Variants in PPP2R3A observed in about 807,000 individuals in gnomAD.
The protein encoded by PPP2R3A is protein phosphatase 2 regulatory subunit B''alpha.
A neutral mutation model predicts 106.9 loss-of-function variants in PPP2R3A; 80 were observed. The observed-to-expected ratio is 0.75, with a 90% confidence interval of 0.62 to 0.90. The LOEUF is 0.90. Among genes scored for constraint, PPP2R3A ranks in the 40% least tolerant of loss-of-function variants. The probability of loss-of-function intolerance (pLI) is 0.00; values close to 1 mark genes in which losing one functional copy is unlikely to be tolerated. For missense variants in PPP2R3A, 1,386 were observed against 1,350.4 expected, an observed-to-expected ratio of 1.03 and a Z score of -0.41; for synonymous variants, 483 against 468.3, an observed-to-expected ratio of 1.03 and a Z score of -0.41.
intron 1 of PPP2R3A, among the ~76,000 whole-genome samples, chr3:135,970,907 C>G (rs1382285346): frequency 1.3e-5 from 2 of 152,112 alleles, no homozygotes; most frequent in Non-Finnish European, 2.9e-5. Flanking sequence ...AAGGGGCTGA[C>G]TCAGATGTTG....
intron 1 of PPP2R3A, among the ~76,000 whole-genome samples, chr3:135,973,374 A>G (rs575030776): frequency 6.6e-6 from 1 of 152,318 alleles, no homozygotes; most frequent in South Asian, 2.1e-4. Flanking sequence ...CATTTGGTCA[A>G]GGCCGCATAG....
At chr3:135,976,831 TC>T (rs1281911895) in intron 1 of PPP2R3A, among the ~76,000 whole-genome samples, 1 of 152,186 alleles carries the variant, frequency 6.6e-6, no homozygotes, top group Non-Finnish European at 1.5e-5. Flanking sequence ...ATATTTAAGT[TC>T]ATCTGAAATT....
intron 13 of PPP2R3A, among the ~76,000 whole-genome samples, chr3:136,128,115 A>T (rs1053811896): frequency 2.6e-5 from 4 of 152,210 alleles, no homozygotes; most frequent in African/African-American, 9.6e-5. Context: ...TTAACAGGCA[A>T]AATAACCAGT....
chr3:136,005,602 A>G (rs1933814708), intron 2 of PPP2R3A, among the ~76,000 whole-genome samples: 1 of 152,164 alleles, frequency 6.6e-6, no homozygotes, highest in Non-Finnish European at 1.5e-5. Context: ...GGAATTAATC[A>G]CAAAAGTAAG....
chr3:136,072,276 G>A (rs1936460000), intron 6 of PPP2R3A, among the ~76,000 whole-genome samples: 1 of 152,126 alleles, frequency 6.6e-6, no homozygotes. Flanking sequence ...TGTACTGAGT[G>A]AATACATGAA....
chr3:136,074,505 A>G (rs1287237549), intron 6 of PPP2R3A, among the ~76,000 whole-genome samples: 1 of 152,264 alleles, frequency 6.6e-6, no homozygotes, highest in East Asian at 1.9e-4. Context: ...GCAGTTTTGC[A>G]TGCTGTGCAA....
At chr3:136,010,706 G>A (rs34409306) in intron 2 of PPP2R3A, among the ~76,000 whole-genome samples, 36,734 of 151,896 alleles carry the variant, frequency 0.24, 5,057 homozygotes, top group Non-Finnish European at 0.32. Context: ...GATTACAGGC[G>A]TGAGCCACCG....
chr3:136,037,004 G>A (rs1424733751), intron 3 of PPP2R3A, among the ~76,000 whole-genome samples: 1 of 152,220 alleles, frequency 6.6e-6, no homozygotes, highest in Non-Finnish European at 1.5e-5. Context: ...ATAGGAAAGA[G>A]GAGAAGAGAG....
intron 1 of PPP2R3A, among the ~76,000 whole-genome samples, chr3:135,993,401 A>G (rs1933256794): frequency 6.6e-6 from 1 of 152,226 alleles, no homozygotes; most frequent in Admixed American, 6.5e-5. Flanking sequence ...ATTTACAAGT[A>G]TCTGAAAGGA....
At chr3:136,046,935 G>A (rs906909228) in intron 4 of PPP2R3A, among the ~76,000 whole-genome samples, 10 of 152,216 alleles carry the variant, frequency 6.6e-5, no homozygotes, top group South Asian at 2.1e-4. Flanking sequence ...AATTTACTAC[G>A]GGAATTCCAT....
rs1214967293 is a variant in PPP2R3A at position 136,087,767 on chromosome 3, A to G, written c.2789-116A>G. ...ATAAAAATGTACTCACATTCTCATC[A>G]TGGACGATGGTTACGGTTTAGCTTG... On this transcript the variant is annotated intron_variant, in intron 8 of 13. Transcript: ENST00000264977. 1.2e-5 allele frequency: 8 copies of G among 647,090 alleles called. No homozygotes were observed. In the East Asian group the frequency reaches 1.6e-4, roughly 13 times the overall value. The allele number at this position is 647,090 out of a possible 1,614,324, so 40.1% of individuals were successfully genotyped here.
intron 13 of PPP2R3A, among the ~76,000 whole-genome samples, chr3:136,141,013 A>C (rs1219526464): frequency 6.6e-6 from 1 of 152,260 alleles, no homozygotes; most frequent in Non-Finnish European, 1.5e-5. Context: ...CAAGAGCATT[A>C]GGACATCACT....
rs1364915412 is a variant in PPP2R3A at position 136,103,361 on chromosome 3, C to A, written c.3207C>A (p.Pro1069=). ...ACTTAGACCATGAACAGAGAGATCC[C>A]TTTGCGGTCCAGAAGGTAACAGTAT... ...EKYLDHEQRD[P]FAVQKDVEND... is the part of the protein sequence containing the mutation. The change falls in exon 12 of 14, where the codon CCC becomes CCA. Residue 1069 remains proline, a synonymous_variant. Coordinates refer to ENST00000264977, the MANE Select transcript of PPP2R3A (RefSeq NM_002718.5). The A allele has an allele frequency of 6.3e-7, 1 of 1,594,280 alleles. No homozygotes were observed. Among genetic ancestry groups the A allele is most frequent in the South Asian group, 1.1e-5 (1 of 89,810 alleles).
chr3:136,094,113 C>T (rs1937160800), intron 10 of PPP2R3A, among the ~76,000 whole-genome samples: 1 of 152,134 alleles, frequency 6.6e-6, no homozygotes, highest in Non-Finnish European at 1.5e-5. Flanking sequence ...ATGCCAGTCA[C>T]AAGACACCAC....
intron 13 of PPP2R3A, among the ~76,000 whole-genome samples, chr3:136,138,704 T>TTTTTTTTTTG: frequency 1.6e-5 from 1 of 61,288 alleles, no homozygotes; most frequent in Non-Finnish European, 3.8e-5. Context: ...AATTTTTTTT[T>TTTTTTTTTTG]TTTTTTTTTT....
At chr3:136,027,121 T>C (rs1418143626) in intron 3 of PPP2R3A, 23 bp downstream of exon 3, 1 of 1,590,304 alleles carries the variant, frequency 6.3e-7, no homozygotes, top group Admixed American at 1.7e-5. Flanking sequence ...CTAAATGATT[T>C]ACAATCTCCC....
Position 136,039,030 on chromosome 3 carries a change from G to T in PPP2R3A, c.2263-1829G>T, listed in dbSNP as rs1331211365. ...TTCTGCCCTGTCCTTACCTCCCTTG[G>T]CTTGAATCTTGCCTTCCATATCTCC... On this transcript the variant is annotated intron_variant, in intron 3 of 13. Coordinates refer to ENST00000264977, the MANE Select transcript of PPP2R3A (RefSeq NM_002718.5). Among the ~76,000 whole-genome samples the T allele has an allele frequency of 1.9e-4, 29 of 152,080 alleles. 1 individual carries two copies. The highest frequency in any genetic ancestry group is 1.9e-3 in the Admixed American group (29 of 15,262).
intron 1 of PPP2R3A, among the ~76,000 whole-genome samples, chr3:135,983,578 C>G (rs1937567403): frequency 6.6e-6 from 1 of 152,162 alleles, no homozygotes; most frequent in Admixed American, 6.5e-5. Flanking sequence ...CTACGTTTTA[C>G]TCTTCTGTTA....
chr3:136,076,665 G>A (rs574868995), intron 6 of PPP2R3A, among the ~76,000 whole-genome samples: 1 of 151,944 alleles, frequency 6.6e-6, no homozygotes, highest in South Asian at 2.1e-4. Flanking sequence ...AGAAAGCACC[G>A]TGGCTGGGCG....
Sources: allele counts gnomAD v4.1 joint callset (sites outside exome capture counted in the v4.1 genomes callset), GRCh38; gene constraint gnomAD v4.1.1; transcripts MANE v1.5; gene names NCBI Gene and HGNC (gene_info 2026-07-23, HGNC 2026-07-21).